CDK15: variants seen among roughly 807,000 people sequenced by gnomAD.
CDK15 encodes cyclin dependent kinase 15, also known as cyclin-dependent kinase 15.
In CDK15, 62 loss-of-function variants were observed where a neutral mutation model predicts 60.3. The observed-to-expected ratio is 1.03, with a 90% CI of 0.84 to 1.27. CDK15 has a LOEUF of 1.27. CDK15 is among the 50% of genes most tolerant of loss of function. The pLI is 0.00. For synonymous variants in CDK15, 194 were observed against 195.7 expected (o/e 0.99, Z 0.07); for missense variants, 541 against 527.8 (o/e 1.03, Z -0.25).
At chr2:201,822,613 A>G (rs1250761455) in intron 4 of CDK15, among the ~76,000 whole-genome samples, 196 bp from the exon 5 acceptor site, 1 of 152,252 alleles carries the variant, frequency 6.6e-6, no homozygotes, top group African/African-American at 2.4e-5. Flanking sequence ...AATAAGTTGC[A>G]ATGATTTGCC....
intron 8 of CDK15, among the ~76,000 whole-genome samples, 175 bp downstream of exon 8, chr2:201,835,938 T>A (rs1696995399): frequency 1.5e-5 from 2 of 129,298 alleles, no homozygotes. Flanking sequence ...TTTTATATAT[T>A]TATATATTTA....
intron 10 of CDK15, among the ~76,000 whole-genome samples, chr2:201,865,429 G>T (rs1698581487): frequency 6.6e-6 from 1 of 152,194 alleles, no homozygotes; most frequent in African/African-American, 2.4e-5. Flanking sequence ...ACAGGCTTTA[G>T]CGGATGGGAT....
At chr2:201,892,279 A>G (rs1406192614) in intron 13 of CDK15, among the ~76,000 whole-genome samples, 1 of 152,236 alleles carries the variant, frequency 6.6e-6, no homozygotes, top group African/African-American at 2.4e-5. Flanking sequence ...TAAGGACAGA[A>G]TGAACTTTAG....
chr2:201,853,631 T>C (rs1698004070), intron 9 of CDK15, among the ~76,000 whole-genome samples: 1 of 152,100 alleles, frequency 6.6e-6, no homozygotes, highest in African/African-American at 2.4e-5. Context: ...TATACTGTAG[T>C]AGTGTAATGA....
intron 4 of CDK15, among the ~76,000 whole-genome samples, chr2:201,817,110 C>T (rs569789013): frequency 3.3e-5 from 5 of 152,230 alleles, no homozygotes; most frequent in Non-Finnish European, 7.3e-5. Context: ...CAGGCTCACC[C>T]TTGAATTCTT....
chr2:201,854,893 AGGATACTTGGCCG>A lies in CDK15; in HGVS notation c.969_981del (p.Asp323GlufsTer42), dbSNP rs753292347. 1.2e-6 allele frequency: 2 copies of A among 1,614,024 alleles called. No homozygotes were observed. The highest frequency in any genetic ancestry group is 1.7e-6 in the Non-Finnish European group (2 of 1,179,966). ...ATATAGGTGCTGGGAGTCCCTACAGAGGATACTTGGCCGGGAGTCTCCAAGCTACCTAACTACA... is the reference window on the plus strand; with the variant it reads ...ATATAGGTGCTGGGAGTCCCTACAGAGGAGTCTCCAAGCTACCTAACTACA... On this transcript the variant is annotated frameshift_variant, in exon 10 of 14. Coordinates refer to ENST00000652192, the MANE Select transcript of CDK15 (RefSeq NM_001366386.2). LOFTEE classifies it high-confidence loss of function.
At position 201,808,188 on chromosome 2, in the gene CDK15, C is replaced by T. The variant is rs116242187; in HGVS notation, c.368+236C>T. On this transcript the variant is annotated intron_variant, in intron 3 of 13. Coordinates refer to ENST00000652192, the MANE Select transcript of CDK15 (RefSeq NM_001366386.2). ...ATGTTTATCAGCCTTTCCCTTCTTG[C>T]ATTCAATTCAGAGAATTCAAAGAAA... Among the ~76,000 whole-genome samples the T allele has an allele frequency of 2.4e-3, 362 of 152,334 alleles. 4 individuals are homozygous for T. The highest frequency in any genetic ancestry group is 8.6e-3 in the African/African-American group (357 of 41,570).
At chr2:201,876,004 T>G (rs1249838915) in intron 11 of CDK15, among the ~76,000 whole-genome samples, 4 of 152,074 alleles carry the variant, frequency 2.6e-5, no homozygotes, top group African/African-American at 9.7e-5. Context: ...GGGCGGGGGG[T>G]TTTCCTACCT....
At chr2:201,880,262 G>A in intron 12 of CDK15, 95 bp downstream of exon 12, 1 of 1,412,794 alleles carries the variant, frequency 7.1e-7, no homozygotes, top group Non-Finnish European at 9.6e-7. Flanking sequence ...CTCAGCACCG[G>A]AGAATCATAG....
At chr2:201,873,522 A>ATGC (rs201773835) in intron 11 of CDK15, among the ~76,000 whole-genome samples, 1 of 152,162 alleles carries the variant, frequency 6.6e-6, no homozygotes, top group Non-Finnish European at 1.5e-5. Context: ...TTAATACTCC[A>ATGC]TGCTGCTGCT....
chr2:201,812,184 AAAAAAAAC>A (rs1559113104), intron 3 of CDK15, among the ~76,000 whole-genome samples: 4 of 148,728 alleles, frequency 2.7e-5, no homozygotes, highest in African/African-American at 5.1e-5. Flanking sequence ...AAAAAAAAAA[AAAAAAAAC>A]AAAAAAACAA....
intron 8 of CDK15, among the ~76,000 whole-genome samples, chr2:201,845,053 G>A (rs1468237185): frequency 6.6e-6 from 1 of 152,092 alleles, no homozygotes; most frequent in Admixed American, 6.5e-5. Context: ...GGAGGCTGAG[G>A]CAGGAGAATC....
chr2:201,834,968 G>C (rs1330451849), intron 7 of CDK15, among the ~76,000 whole-genome samples: 1 of 152,178 alleles, frequency 6.6e-6, no homozygotes, highest in Admixed American at 6.6e-5. Context: ...TCATTTTGCA[G>C]AACAGTACTT....
At chr2:201,856,994 CG>C (rs2105791446) in intron 10 of CDK15, among the ~76,000 whole-genome samples, 1 of 49,350 alleles carries the variant, frequency 2.0e-5, no homozygotes, top group Non-Finnish European at 3.6e-5. Flanking sequence ...GAGGCCGAGG[CG>C]GGTGGATCAT....
At position 201,886,714 on chromosome 2, in the gene CDK15, A is replaced by G. The variant is rs373775615; in HGVS notation, c.1199-4071A>G. Among the ~76,000 whole-genome samples, 9 of 152,348 alleles carry G rather than the reference A, an allele frequency of 5.9e-5. No individual in the cohort carries two copies. In the East Asian group the frequency reaches 1.5e-3, roughly 26 times the overall value. ...AAAACATCAAGGAATCCAGTGGAAA[A>G]TGAGTTGAAGGCATAAAATAGCAAT... On this transcript the variant is annotated intron_variant, in intron 12 of 13. Transcript: ENST00000652192.
intron 12 of CDK15, among the ~76,000 whole-genome samples, chr2:201,885,654 A>G (rs1233261336): frequency 1.3e-5 from 2 of 152,208 alleles, no homozygotes; most frequent in Admixed American, 1.3e-4. Context: ...AGCCCTACCA[A>G]GCCCTTAAGT....
intron 4 of CDK15, among the ~76,000 whole-genome samples, chr2:201,819,330 A>C (rs1696124558): frequency 6.6e-6 from 1 of 152,190 alleles, no homozygotes; most frequent in Non-Finnish European, 1.5e-5. Flanking sequence ...CCTGGGGTGG[A>C]AATGTGTTTG....
At chr2:201,856,590 A>G (rs1475219585) in intron 10 of CDK15, among the ~76,000 whole-genome samples, 1 of 152,108 alleles carries the variant, frequency 6.6e-6, no homozygotes, top group African/African-American at 2.4e-5. Flanking sequence ...AATTGCTCCT[A>G]TCTCCAGTTG....
At position 201,816,455 on chromosome 2, in the gene CDK15, G is replaced by GTTTTTTTTTTTTTT. The variant is rs55930032; in HGVS notation, c.448+3904_448+3917dup. On this transcript the variant is annotated intron_variant, in intron 4 of 13. Coordinates refer to ENST00000652192, the MANE Select transcript of CDK15 (RefSeq NM_001366386.2). Reference sequence around the variant, plus strand: ...CATCCATGTTGCTGCTAAGGAAATGGTTTTTTTTTTTTTTTTTTTTTTTTG... The same window carrying GTTTTTTTTTTTTTT: ...CATCCATGTTGCTGCTAAGGAAATGGTTTTTTTTTTTTTTTTTTTTTTTTTTTTTTTTTTTTTTG... Among the ~76,000 whole-genome samples the GTTTTTTTTTTTTTT allele has an allele frequency of 3.1e-4, 25 of 79,854 alleles. 1 individual carries two copies. The highest frequency in any genetic ancestry group is 8.7e-4 in the African/African-American group (17 of 19,640). The allele number at this position is 79,854 out of a possible 152,430, so 52.4% of individuals were successfully genotyped here.
Sources: gnomAD v4.1 joint callset for allele counts (sites outside exome capture counted in the v4.1 genomes callset) on GRCh38, gnomAD v4.1.1 for gene constraint, MANE v1.5 for transcripts, NCBI Gene and HGNC (gene_info 2026-07-23, HGNC 2026-07-21) for gene names.